Variants in CSDC2 observed in about 807,000 individuals in gnomAD.
The protein encoded by CSDC2 is cold shock domain-containing protein C2.
A neutral mutation model predicts 15.8 loss-of-function variants in CSDC2; 8 were observed. The ratio of observed to expected loss-of-function variants is 0.51; its 90% confidence interval spans 0.30 to 0.92. The LOEUF is 0.92. Among genes scored for constraint, CSDC2 ranks in the 40% least tolerant of loss-of-function variants. The pLI is 0.07. For synonymous variants in CSDC2, 96 were observed against 92.3 expected, an observed-to-expected ratio of 1.04 and a Z score of -0.23; for missense variants, 195 against 213.3, an observed-to-expected ratio of 0.91 and a Z score of 0.53.
intron 1 of CSDC2, among the ~76,000 whole-genome samples, chr22:41,566,441 TAAAAAAAAAAAAAAAA>T (rs754976750): frequency 2.2e-5 from 1 of 45,804 alleles, no homozygotes; most frequent in Non-Finnish European, 3.9e-5. Flanking sequence ...AGACTCCATC[TAAAAAAAAAAAAAAAA>T]AAAAAAAAAA....
At chr22:41,573,432 A>G (rs536715782) in intron 2 of CSDC2, among the ~76,000 whole-genome samples, 9 of 151,976 alleles carry the variant, frequency 5.9e-5, no homozygotes, top group Non-Finnish European at 1.3e-4. Flanking sequence ...TCCTAGGCCC[A>G]AGTGATCCTC....
Position 41,572,057 on chromosome 22 carries a change from G to A in CSDC2, c.92G>A (p.Gly31Asp). 7.3e-7 allele frequency: 1 copy of A among 1,364,720 alleles called. No individual in the cohort carries two copies. Among genetic ancestry groups the A allele is most frequent in the Non-Finnish European group, 9.5e-7 (1 of 1,056,618 alleles). The allele number at this position is 1,364,720 out of a possible 1,614,324, so 84.5% of individuals were successfully genotyped here. ...CCCACCTTCCCCTTCCACAGGGAGG[G>A]CAGCAGGGTCTGGGAGCGGGGTGGT... ...VWPTFPFHRE[G>D]SRVWERGGVP... Residue 31 changes from glycine (G) to aspartate (D), a missense_variant, in exon 2 of 4, where the codon GGC (glycine) becomes GAC (aspartate). Physicochemically the swap from Gly to Asp is moderately conservative, Grantham distance 94. Transcript: ENST00000306149.
intron 1 of CSDC2, among the ~76,000 whole-genome samples, chr22:41,569,529 GCTT>G (rs1173681742): frequency 6.6e-6 from 1 of 152,162 alleles, no homozygotes; most frequent in East Asian, 1.9e-4. Context: ...TTTGGGACTG[GCTT>G]CTTCTCTGTG....
intron 1 of CSDC2, among the ~76,000 whole-genome samples, chr22:41,567,516 G>A (rs536468837): frequency 1.3e-5 from 2 of 152,328 alleles, no homozygotes; most frequent in Admixed American, 1.3e-4. Flanking sequence ...CTGGAGAGGG[G>A]GTCTGAACTG....
rs1298579560 is a variant in CSDC2 at position 41,576,364 on chromosome 22, GC to G, written c.*1472del. On this transcript the variant is annotated 3_prime_UTR_variant, in exon 4 of 4. Coordinates refer to ENST00000306149, the MANE Select transcript of CSDC2 (RefSeq NM_014460.4). ...GGTCAGCTCCCCTAAAATGGGCACG[GC>G]CCAGCCTGTCCCATGAGGAATAAAG... 1 of 152,232 alleles carries G rather than the reference GC, an allele frequency of 6.6e-6. No homozygotes were observed. The highest frequency in any genetic ancestry group is 6.5e-5 in the Admixed American group (1 of 15,278). The allele number at this position is 152,232 out of a possible 1,614,324, so 9.4% of individuals were successfully genotyped here. A position where few individuals can be genotyped will look rare whatever the true frequency, so the allele number is the denominator to read the frequency against.
chr22:41,565,160 A>G (rs2067107368), intron 1 of CSDC2, among the ~76,000 whole-genome samples: 1 of 135,650 alleles, frequency 7.4e-6, no homozygotes, highest in Non-Finnish European at 1.6e-5. Context: ...AGTGAGACTC[A>G]AAAAAAAAAG....
At position 41,575,048 on chromosome 22, in the gene CSDC2, A is replaced by G; in HGVS notation, c.*153A>G. The G allele has an allele frequency of 1.1e-6, 1 of 943,160 alleles. No homozygotes were observed. The highest frequency in any genetic ancestry group is 1.6e-6 in the Non-Finnish European group (1 of 644,114). The allele number at this position is 943,160 out of a possible 1,614,324, so 58.4% of individuals were successfully genotyped here. ...CTGTCCGTCTGTGCTTGTGGCTATGAGCGTGTGCCTCCACCCACCCCACGA... is the reference window on the plus strand; with the variant it reads ...CTGTCCGTCTGTGCTTGTGGCTATGGGCGTGTGCCTCCACCCACCCCACGA... On this transcript the variant is annotated 3_prime_UTR_variant, in exon 4 of 4. Coordinates refer to ENST00000306149, the MANE Select transcript of CSDC2 (RefSeq NM_014460.4).
chr22:41,564,159 G>A (rs1022573138), intron 1 of CSDC2, among the ~76,000 whole-genome samples: 1 of 151,692 alleles, frequency 6.6e-6, no homozygotes, highest in Admixed American at 6.6e-5. Context: ...TTATGAGTAC[G>A]AAATGAAAAA....
At chr22:41,572,428 C>T (rs2067152041) in intron 2 of CSDC2, among the ~76,000 whole-genome samples, 1 of 143,552 alleles carries the variant, frequency 7.0e-6, no homozygotes, top group South Asian at 2.3e-4. Context: ...ATCCATCCAT[C>T]CATCCACCTG....
intron 1 of CSDC2, among the ~76,000 whole-genome samples, chr22:41,561,581 C>T (rs995689723): frequency 3.3e-5 from 5 of 152,226 alleles, no homozygotes; most frequent in Non-Finnish European, 7.3e-5. Context: ...AGCAGGGACC[C>T]TTGCTGGTCC....
chr22:41,570,078 CT>C (rs141040249), intron 1 of CSDC2, among the ~76,000 whole-genome samples: 2,598 of 152,082 alleles, frequency 0.017, 84 homozygotes, highest in African/African-American at 0.058. Flanking sequence ...CCACACCCGG[CT>C]GTTTGTGTGG....
At chr22:41,571,772 T>C in intron 1 of CSDC2, 71 bp from the exon 2 acceptor site, 3 of 385,080 alleles carry the variant, frequency 7.8e-6, no homozygotes, top group Non-Finnish European at 1.4e-5. Context: ...CCAGCCCTCC[T>C]CACTGTGGCC....
chr22:41,566,441 T>TAAA (rs754976750), intron 1 of CSDC2, among the ~76,000 whole-genome samples: 2 of 45,830 alleles, frequency 4.4e-5, no homozygotes, highest in African/African-American at 1.0e-4. Context: ...AGACTCCATC[T>TAAA]AAAAAAAAAA....
At chr22:41,572,744 G>A (rs1368476340) in intron 2 of CSDC2, among the ~76,000 whole-genome samples, 2 of 152,210 alleles carry the variant, frequency 1.3e-5, no homozygotes, top group African/African-American at 4.8e-5. Flanking sequence ...GGTACAGCAT[G>A]GGCAAAACCC....
intron 1 of CSDC2, among the ~76,000 whole-genome samples, chr22:41,565,092 G>GGAGGC (rs2067106863): frequency 6.6e-6 from 1 of 151,924 alleles, no homozygotes; most frequent in South Asian, 2.1e-4. Context: ...CTTGAACCCG[G>GGAGGC]GAGGCAGAGG....
chr22:41,569,994 G>A (rs2067137070), intron 1 of CSDC2, among the ~76,000 whole-genome samples: 1 of 151,956 alleles, frequency 6.6e-6, no homozygotes, highest in African/African-American at 2.4e-5. Flanking sequence ...TGGCCAGGCT[G>A]GTCTCGAACT....
At chr22:41,568,748 CTT>C (rs952749646) in intron 1 of CSDC2, among the ~76,000 whole-genome samples, 2 of 152,260 alleles carry the variant, frequency 1.3e-5, no homozygotes, top group Admixed American at 1.3e-4. Flanking sequence ...TTGGTCCTGT[CTT>C]TGCTGTGGCT....
At chr22:41,573,826 A>T (rs751383495) in intron 3 of CSDC2, 49 bp downstream of exon 3, 5 of 1,573,380 alleles carry the variant, frequency 3.2e-6, no homozygotes, top group Admixed American at 1.8e-5. Flanking sequence ...TAGTGTCCCC[A>T]ATGGTGCCTC....
Position 41,572,033 on chromosome 22 carries a change from C to T in CSDC2, c.68C>T (p.Pro23Leu). The T allele has an allele frequency of 1.5e-6, 2 of 1,363,666 alleles. No homozygotes were observed. Among genetic ancestry groups the T allele is most frequent in the Non-Finnish European group, 1.9e-6 (2 of 1,056,564 alleles). The allele number at this position is 1,363,666 out of a possible 1,614,324, so 84.5% of individuals were successfully genotyped here. Residue 23 changes from proline (P) to leucine (L), a missense_variant, in exon 2 of 4, where the codon CCC becomes CTC. By Grantham distance (98) the Pro-to-Leu change is moderately conservative (BLOSUM62 -3). Coordinates refer to ENST00000306149, the MANE Select transcript of CSDC2 (RefSeq NM_014460.4). ...PLHSPKSPVW[P>L]TFPFHREGSR... Reference sequence around the variant, plus strand: ...CACTCCCCCAAGTCCCCAGTCTGGCCCACCTTCCCCTTCCACAGGGAGGGC... The same window carrying T: ...CACTCCCCCAAGTCCCCAGTCTGGCTCACCTTCCCCTTCCACAGGGAGGGC...
Sources: gnomAD v4.1 joint callset for allele counts (sites outside exome capture counted in the v4.1 genomes callset) on GRCh38, gnomAD v4.1.1 for gene constraint, MANE v1.5 for transcripts, NCBI Gene and HGNC (gene_info 2026-07-23, HGNC 2026-07-21) for gene names.